MYO5B: variants seen among roughly 807,000 people sequenced by gnomAD.
MYO5B encodes the protein unconventional myosin-Vb.
Under a neutral mutation model 229.3 loss-of-function variants are expected in MYO5B, and 143 were observed. That is an observed-to-expected ratio of 0.62 (90% confidence interval 0.54 to 0.72). The LOEUF is 0.72. MYO5B is among the 30% of genes least tolerant of loss of function. The probability of loss-of-function intolerance (pLI) is 0.00; values close to 1 mark genes in which losing one functional copy is unlikely to be tolerated. For missense variants in MYO5B, 2,321 were observed against 2,331.0 expected, an observed-to-expected ratio of 1.00 and a Z score of 0.09; for synonymous variants, 918 against 885.2, an observed-to-expected ratio of 1.04 and a Z score of -0.66.
intron 17 of MYO5B, 116 bp from the exon 18 acceptor site, chr18:49,912,289 T>C: frequency 1.2e-6 from 1 of 819,328 alleles, no homozygotes; most frequent in South Asian, 1.4e-5. Context: ...AAAGTCATTC[T>C]CAGAGCAGCA....
intron 7 of MYO5B, among the ~76,000 whole-genome samples, chr18:49,989,468 C>G (rs757068835): frequency 1.3e-5 from 2 of 152,168 alleles, no homozygotes; most frequent in Non-Finnish European, 2.9e-5. Context: ...ACACGGACAG[C>G]AGGACAGGGA....
rs1366772774 is a variant in MYO5B at position 49,913,709 on chromosome 18, G to A, written c.2091-1536C>T. On this transcript the variant is annotated intron_variant, in intron 17 of 39. Coordinates refer to ENST00000285039, the MANE Select transcript of MYO5B (RefSeq NM_001080467.3). ...TACCCATGGCCCTAAATGAGGATGG[G>A]CATTCCTGTTTTTGCAACCAAAAAG... Among the ~76,000 whole-genome samples, 4 of 152,074 alleles carry A rather than the reference G, an allele frequency of 2.6e-5. No individual in the cohort carries two copies. In the East Asian group the frequency reaches 5.8e-4, roughly 22 times the overall value.
chr18:50,037,196 T>C (rs984933299), intron 3 of MYO5B, among the ~76,000 whole-genome samples: 2 of 150,356 alleles, frequency 1.3e-5, no homozygotes, highest in African/African-American at 4.9e-5. Context: ...GGAATAAGCA[T>C]ACACACATAC....
intron 27 of MYO5B, among the ~76,000 whole-genome samples, chr18:49,870,249 AT>A (rs2024442521): frequency 1.3e-5 from 2 of 152,248 alleles, no homozygotes; most frequent in African/African-American, 4.8e-5. Context: ...CAGCAAAAGA[AT>A]TAAGTTGGGC....
intron 1 of MYO5B, among the ~76,000 whole-genome samples, chr18:50,149,773 G>A (rs113129541): frequency 0.073 from 11,064 of 152,122 alleles, 470 homozygotes; most frequent in East Asian, 0.19. Context: ...ACACAGGCAC[G>A]GGCAAGGACT....
chr18:49,905,234 G>A (rs1016788891), intron 19 of MYO5B, among the ~76,000 whole-genome samples: 1 of 152,206 alleles, frequency 6.6e-6, no homozygotes, highest in Non-Finnish European at 1.5e-5. Flanking sequence ...CCCAGGGGCT[G>A]TGTCTCCATC....
In MYO5B at chr18:49,974,622, G is replaced by T; in HGVS notation, c.1057-7C>A. 1 of 1,612,370 alleles carries T rather than the reference G, an allele frequency of 6.2e-7. No individual in the cohort carries two copies. The highest frequency in any genetic ancestry group is 2.2e-5 in the East Asian group (1 of 44,824). ...TTAGGTATACATCCTGGGGCTGTGG[G>T]AGATGGGGGAGATAGGTTCAGGAGG... On this transcript the variant is annotated splice_polypyrimidine_tract_variant and splice_region_variant and intron_variant, in intron 9 of 39. Transcript: ENST00000285039.
At chr18:49,873,109 G>C (rs2024475354) in intron 26 of MYO5B, among the ~76,000 whole-genome samples, 1 of 152,198 alleles carries the variant, frequency 6.6e-6, no homozygotes, top group Non-Finnish European at 1.5e-5. Flanking sequence ...TCTGACATCA[G>C]AACTCCAAAG....
At chr18:50,099,079 CT>C in intron 1 of MYO5B, 1 of 152,550 alleles carries the variant, frequency 6.6e-6, no homozygotes. Context: ...CACAAGTTGC[CT>C]TTTTTTCTTT....
At chr18:50,049,608 T>C (rs2030337333) in intron 2 of MYO5B, among the ~76,000 whole-genome samples, 1 of 152,210 alleles carries the variant, frequency 6.6e-6, no homozygotes, top group African/African-American at 2.4e-5. Context: ...TGGGGCTGGA[T>C]AGTTCTCTGT....
chr18:49,884,685 C>T (rs2024624113), intron 22 of MYO5B, among the ~76,000 whole-genome samples: 1 of 152,156 alleles, frequency 6.6e-6, no homozygotes, highest in South Asian at 2.1e-4. Flanking sequence ...TCACCTCCTG[C>T]TGTGCGGCCT....
intron 1 of MYO5B, among the ~76,000 whole-genome samples, chr18:50,179,355 C>A (rs767986745): frequency 5.9e-5 from 9 of 152,174 alleles, no homozygotes; most frequent in Non-Finnish European, 1.2e-4. Context: ...CCAGCAACCT[C>A]CAGTTTTGAT....
chr18:50,159,508 A>G (rs960241652), intron 1 of MYO5B, among the ~76,000 whole-genome samples: 1 of 152,004 alleles, frequency 6.6e-6, no homozygotes, highest in African/African-American at 2.4e-5. Context: ...CCCACGGGAG[A>G]GCAGTCAACT....
rs1229518213 is a variant in MYO5B at position 49,853,353 on chromosome 18, A to T, written c.4221+96T>A. On this transcript the variant is annotated intron_variant, in intron 31 of 39. Coordinates refer to ENST00000285039, the MANE Select transcript of MYO5B (RefSeq NM_001080467.3). ...TGTTCCTACTATAGGGCCAAGGGTC[A>T]TGAACCTTGTCAGTTTTGCCAAAGG... 3.2e-6 allele frequency: 4 copies of T among 1,254,196 alleles called. No individual in the cohort carries two copies. The East Asian group carries it at 7.0e-5, about 22-fold the overall frequency. 77.7% of individuals were successfully genotyped at this position (1,254,196 alleles called of 1,614,324 possible).
chr18:49,964,905 G>T (rs552719546), intron 10 of MYO5B, among the ~76,000 whole-genome samples: 20 of 152,350 alleles, frequency 1.3e-4, no homozygotes, highest in African/African-American at 4.8e-4. Context: ...GTAGTGGGCA[G>T]AGGCAGGGGT....
At chr18:50,160,371 A>T (rs967503293) in intron 1 of MYO5B, among the ~76,000 whole-genome samples, 1 of 152,188 alleles carries the variant, frequency 6.6e-6, no homozygotes, top group African/African-American at 2.4e-5. Flanking sequence ...ATCTTGGGTA[A>T]AACCCAGTTC....
intron 4 of MYO5B, among the ~76,000 whole-genome samples, chr18:50,002,727 C>A (rs1318901096): frequency 2.0e-5 from 3 of 152,192 alleles, no homozygotes; most frequent in African/African-American, 7.2e-5. Flanking sequence ...CTGTGCCTGG[C>A]ACAAAGTACA....
intron 1 of MYO5B, among the ~76,000 whole-genome samples, chr18:50,059,512 A>G (rs543375343): frequency 6.6e-6 from 1 of 152,344 alleles, no homozygotes; most frequent in African/African-American, 2.4e-5. Context: ...AGGATTTTGT[A>G]TATGCAGATC....
At chr18:49,842,490 G>A (rs1017092687) in intron 34 of MYO5B, among the ~76,000 whole-genome samples, 11 of 152,236 alleles carry the variant, frequency 7.2e-5, no homozygotes, top group Admixed American at 3.9e-4. Context: ...AAGCAGTAAT[G>A]TGTAAGAACT....
Sources: allele counts gnomAD v4.1 joint callset (sites outside exome capture counted in the v4.1 genomes callset), GRCh38; gene constraint gnomAD v4.1.1; transcripts MANE v1.5; gene names NCBI Gene and HGNC (gene_info 2026-07-23, HGNC 2026-07-21).